ATP11A: variants seen among roughly 807,000 people sequenced by gnomAD.
The protein encoded by ATP11A is ATPase phospholipid transporting 11A, also known as phospholipid-transporting ATPase IH.
A neutral mutation model predicts 154.4 loss-of-function variants in ATP11A; 81 were observed. The ratio of observed to expected loss-of-function variants is 0.52; its 90% CI spans 0.44 to 0.63. The LOEUF (loss-of-function observed/expected upper bound fraction) is 0.63. Ranked by LOEUF, ATP11A falls within the 30% of genes least tolerant of loss-of-function variation. The pLI is 0.00. For synonymous variants in ATP11A, 623 were observed against 585.9 expected (o/e 1.06, Z -0.91); for missense variants, 1,316 against 1,474.3 (o/e 0.89, Z 1.76).
chr13:112,728,252 C>A (rs776163843), intron 1 of ATP11A, among the ~76,000 whole-genome samples: 1 of 152,188 alleles, frequency 6.6e-6, no homozygotes, highest in Non-Finnish European at 1.5e-5. Flanking sequence ...TGAGACCATG[C>A]GGCCCACCTC....
rs147994588 is a variant in ATP11A, at chr13:112,881,909, G to A, written c.*43G>A. On this transcript the variant is annotated 3_prime_UTR_variant, in exon 30 of 30. Transcript: ENST00000375645. ...CTACCAGAGCACCTGTCCCTCGGCC[G>A]CCTGGTACAGCTCCCACTCTCAGCA... The A allele has an allele frequency of 1.3e-4, 181 of 1,367,730 alleles. No individual in the cohort carries two copies. The East Asian group carries it at 1.4e-3, about 10-fold the overall frequency. The allele number at this position is 1,367,730 out of a possible 1,614,324, so 84.7% of individuals were successfully genotyped here.
rs113805296 is a variant in ATP11A, at chr13:112,839,464, A to G, written c.1706-2812A>G. Among the ~76,000 whole-genome samples the G allele has an allele frequency of 8.9e-3, 1,352 of 152,168 alleles. 24 individuals carry two copies. Among genetic ancestry groups the G allele is most frequent in the African/African-American group, 0.03 (1,251 of 41,516 alleles). On this transcript the variant is annotated intron_variant, in intron 16 of 29. Transcript: ENST00000375645. ...ATGTCCTTGAGCTGGTCTGTGAGAC[A>G]CAGTGAAAGACCCCCCACCATGGGC...
chr13:112,861,790 A>G (rs2080109811), intron 24 of ATP11A, among the ~76,000 whole-genome samples: 1 of 152,202 alleles, frequency 6.6e-6, no homozygotes, highest in Non-Finnish European at 1.5e-5. Flanking sequence ...AATAAATCTA[A>G]GAAAATGGGA....
chr13:112,716,055 CT>C (rs1222591819), intron 1 of ATP11A, among the ~76,000 whole-genome samples: 1 of 151,768 alleles, frequency 6.6e-6, no homozygotes, highest in Admixed American at 6.6e-5. Flanking sequence ...CCTGCCTGGA[CT>C]TTGAGAATTG....
chr13:112,711,946 A>AT (rs1887805776), intron 1 of ATP11A, among the ~76,000 whole-genome samples: 1 of 152,180 alleles, frequency 6.6e-6, no homozygotes, highest in South Asian at 2.1e-4. Flanking sequence ...GCCTTAGTTA[A>AT]TTAACATTCC....
Position 112,875,960 on chromosome 13 carries a change from C to A in ATP11A, c.3327+19C>A, listed in dbSNP as rs112769756. 6.3e-7 allele frequency: 1 copy of A among 1,598,418 alleles called. No homozygotes were observed. The highest frequency in any genetic ancestry group is 2.2e-5 in the East Asian group (1 of 44,658). On this transcript the variant is annotated intron_variant, in intron 28 of 29. Transcript: ENST00000375645. The surrounding 1 kb of genome is among the most constrained non-coding windows in gnomAD (Gnocchi z 4.1). ...AGTCCAGGTACGGAGTGTCCCCAGC[C>A]GGGGCGGGGGTGCCTCAGGGCCCTG...
At position 112,708,102 on chromosome 13, in the gene ATP11A, G is replaced by A. The variant is rs142141530; in HGVS notation, c.39+17647G>A. On this transcript the variant is annotated intron_variant, in intron 1 of 29. Transcript: ENST00000375645. ...TGGGCTGCGAAGTTTTGCCTCATCC[G>A]CCATATTCACCTGACCTCTCACCAA... Among the ~76,000 whole-genome samples the A allele has an allele frequency of 8.2e-3, 1,247 of 152,240 alleles. 18 individuals carry two copies. Among genetic ancestry groups the A allele is most frequent in the East Asian group, 0.031 (160 of 5,186 alleles).
intron 1 of ATP11A, among the ~76,000 whole-genome samples, chr13:112,784,814 C>T (rs555209293): frequency 2.6e-5 from 4 of 152,352 alleles, no homozygotes; most frequent in South Asian, 2.1e-4. Context: ...TGAGCCGCCG[C>T]GCCCGGCCGC....
At chr13:112,834,453 G>C in intron 14 of ATP11A, 136 bp from the exon 15 acceptor site, 1 of 649,274 alleles carries the variant, frequency 1.5e-6, no homozygotes, top group Non-Finnish European at 2.8e-6. Flanking sequence ...ACTTTATAAT[G>C]CAGTTTATAA....
chr13:112,728,902 C>T (rs565382094), intron 1 of ATP11A, among the ~76,000 whole-genome samples: 6 of 152,178 alleles, frequency 3.9e-5, no homozygotes, highest in African/African-American at 7.2e-5. Context: ...CCTCTGCTAG[C>T]GGCTTCCCTC....
chr13:112,723,944 G>A (rs555813759), intron 1 of ATP11A, among the ~76,000 whole-genome samples: 2 of 152,196 alleles, frequency 1.3e-5, no homozygotes, highest in African/African-American at 4.8e-5. Flanking sequence ...GGTGGCATGT[G>A]CGGGGACATA....
intron 1 of ATP11A, among the ~76,000 whole-genome samples, chr13:112,729,174 G>A (rs146240810): frequency 6.3e-4 from 96 of 152,286 alleles, no homozygotes; most frequent in African/African-American, 2.1e-3. Flanking sequence ...GTATCATCCC[G>A]GGTGCTCCTG....
chr13:112,707,488 G>A (rs1353628722), intron 1 of ATP11A, among the ~76,000 whole-genome samples: 1 of 151,864 alleles, frequency 6.6e-6, no homozygotes, highest in Non-Finnish European at 1.5e-5. Flanking sequence ...GAGCGTAGTG[G>A]CCAGCCTTTG....
intron 1 of ATP11A, among the ~76,000 whole-genome samples, chr13:112,749,519 A>G (rs2076639957): frequency 6.6e-6 from 1 of 152,264 alleles, no homozygotes; most frequent in Admixed American, 6.5e-5. Context: ...TAAGCAAAGG[A>G]GATTTACAGA....
intron 1 of ATP11A, among the ~76,000 whole-genome samples, chr13:112,701,369 A>G (rs554552158): frequency 6.6e-6 from 1 of 152,304 alleles, no homozygotes; most frequent in African/African-American, 2.4e-5. Flanking sequence ...GTTTTGACTT[A>G]AAGATTAAAA....
chr13:112,785,216 A>G lies in ATP11A; in HGVS notation c.121A>G (p.Ile41Val), dbSNP rs751486329. 3 of 1,571,944 alleles carry G rather than the reference A, an allele frequency of 1.9e-6. No homozygotes were observed. The highest frequency in any genetic ancestry group is 2.6e-6 in the Non-Finnish European group (3 of 1,160,218). Residue 41 changes from isoleucine to valine, a missense_variant, in exon 2 of 30, where the codon ATC becomes GTC. Ile to Val is a conservative substitution (Grantham distance 29). This residue lies in a region of ATP11A where 123 missense variants were observed against 113.7 expected (regional missense o/e 1.08). Transcript: ENST00000375645. This position sits in a 1 kb window ranked among gnomAD's most constrained non-coding sequence, Gnocchi z 4.8. The stretch of plus-strand genomic sequence containing the variant: ...GCCACCTCCGGGCGCAGAGGCCTAC[A>G]TCCCACAGAGATACCCAGACAACAG... ...REPPPGAEAYIPQRYPDNRIV... is the reference protein window; with the variant it reads ...REPPPGAEAYVPQRYPDNRIV...
chr13:112,702,245 C>G lies in ATP11A; in HGVS notation c.39+11790C>G, dbSNP rs139907299. ...CCTGTAATCCCACCTACTCGGGAGG[C>G]TGAGGCAGGAGAAGCGCTTGAACCC... On this transcript the variant is annotated intron_variant, in intron 1 of 29. Transcript: ENST00000375645. Among the ~76,000 whole-genome samples the G allele has an allele frequency of 3.4e-4, 51 of 150,332 alleles. No homozygotes were observed. The East Asian group carries it at 4.6e-3, about 13-fold the overall frequency.
At chr13:112,858,541 T>C (rs868023338) in intron 22 of ATP11A, 12 of 390,808 alleles carry the variant, frequency 3.1e-5, no homozygotes, top group Non-Finnish European at 3.7e-5. Flanking sequence ...AAATAAACAG[T>C]TCCTCAGGTT....
intron 1 of ATP11A, among the ~76,000 whole-genome samples, chr13:112,756,809 C>A (rs997517658): frequency 6.6e-6 from 1 of 152,004 alleles, no homozygotes. Context: ...GGCCTGCTCC[C>A]AGCGAGGGGT....
Sources: gnomAD v4.1 joint callset for allele counts (sites outside exome capture counted in the v4.1 genomes callset) on GRCh38, gnomAD v4.1.1 for gene constraint, gnomAD v4.1.1 regional missense constraint, Gnocchi (gnomAD v3.1) non-coding constraint, MANE v1.5 for transcripts, NCBI Gene and HGNC (gene_info 2026-07-23, HGNC 2026-07-21) for gene names.